The following CFAP70 variants were observed in gnomAD, a reference collection of about 807,000 sequenced individuals.
CFAP70 encodes the protein cilia and flagella associated protein 70.
CFAP70 carries 81 observed loss-of-function variants against 137.6 expected under a neutral mutation model. That is an observed-to-expected ratio of 0.59 (90% CI 0.49 to 0.71). The LOEUF (loss-of-function observed/expected upper bound fraction) is 0.71, where lower values mean the gene tolerates loss of function less well. CFAP70 is among the 30% of genes least tolerant of loss of function. The pLI is 0.00. For missense variants in CFAP70, 976 were observed against 1,226.7 expected, an observed-to-expected ratio of 0.80 and a Z score of 3.05; for synonymous variants, 382 against 423.6, an observed-to-expected ratio of 0.90 and a Z score of 1.20.
At chr10:73,355,133 C>A (rs908505228) in intron 1 of CFAP70, among the ~76,000 whole-genome samples, 7 of 152,134 alleles carry the variant, frequency 4.6e-5, no homozygotes, top group African/African-American at 1.7e-4. Flanking sequence ...GGGTCCCCAC[C>A]CCGAACCATG....
intron 7 of CFAP70, among the ~76,000 whole-genome samples, chr10:73,333,781 A>G (rs2052354157): frequency 6.6e-6 from 1 of 152,240 alleles, no homozygotes; most frequent in African/African-American, 2.4e-5. Flanking sequence ...GGAAAATGAC[A>G]TGGGTCAAAA....
intron 9 of CFAP70, among the ~76,000 whole-genome samples, chr10:73,320,057 G>A (rs1342177534): frequency 1.3e-5 from 2 of 152,078 alleles, no homozygotes; most frequent in Non-Finnish European, 2.9e-5. Context: ...TTTCTGATAT[G>A]TATTCAAATA....
At chr10:73,358,972 T>G (rs1417881821), upstream of CFAP70, 1 of 152,258 alleles carries the variant, frequency 6.6e-6, no homozygotes, top group Non-Finnish European at 1.5e-5. Flanking sequence ...TTTCCACCTT[T>G]ACATTTTGCT....
At chr10:73,272,939 C>T (rs771214534) in exon 24 of CFAP70, 2 of 1,552,208 alleles carry the variant, frequency 1.3e-6, no homozygotes, top group African/African-American at 1.4e-5. Context: ...CGATAGCAGG[C>T]GATTCCCAGT....
At chr10:73,287,868 T>TATC (rs1367095820) in intron 19 of CFAP70, among the ~76,000 whole-genome samples, 2 of 151,758 alleles carry the variant, frequency 1.3e-5, no homozygotes, top group Non-Finnish European at 2.9e-5. Context: ...TCTATCTATC[T>TATC]ATCTATCTAT....
At chr10:73,287,572 G>A (rs2047827664) in intron 19 of CFAP70, among the ~76,000 whole-genome samples, 1 of 152,040 alleles carries the variant, frequency 6.6e-6, no homozygotes, top group South Asian at 2.1e-4. Flanking sequence ...ATGCATGCAT[G>A]GCCTCAATAT....
rs545918980 is a variant in CFAP70 at position 73,344,139 on chromosome 10, T to C, written c.399+926A>G. On this transcript the variant is annotated intron_variant, in intron 5 of 26. Transcript: ENST00000310715. Reference sequence around the variant, plus strand: ...CACCATACCCAGCTAATTTTTTGTATTTTTAGTAGAGACAGGGTTTCACCA... The same window carrying C: ...CACCATACCCAGCTAATTTTTTGTACTTTTAGTAGAGACAGGGTTTCACCA... 4.6e-5 allele frequency among the ~76,000 whole-genome samples: 7 copies of C among 152,008 alleles called. No homozygotes were observed. The East Asian group carries it at 1.4e-3, about 30-fold the overall frequency.
intron 8 of CFAP70, among the ~76,000 whole-genome samples, chr10:73,325,589 C>T (rs1266093474): frequency 1.3e-5 from 2 of 152,120 alleles, no homozygotes; most frequent in Admixed American, 6.5e-5. Context: ...ATTCAGGAAA[C>T]CCATCTCACG....
chr10:73,359,928 C>G (rs2054941884), upstream of CFAP70, among the ~76,000 whole-genome samples: 1 of 151,956 alleles, frequency 6.6e-6, no homozygotes, highest in East Asian at 1.9e-4. Context: ...ACAAAGCATC[C>G]TTTTTGGTTT....
At chr10:73,331,679 CA>C (rs80336606) in intron 7 of CFAP70, among the ~76,000 whole-genome samples, 47 of 150,364 alleles carry the variant, frequency 3.1e-4, no homozygotes, top group Non-Finnish European at 5.0e-4. Flanking sequence ...GACCCTGTCT[CA>C]AAAAAAAAAT....
rs1589216128 is a variant in CFAP70, at chr10:73,254,295, G to T, written c.3076-240C>A. The stretch of plus-strand genomic sequence containing the variant: ...CAAGCACTATGCACGGTCATGATTT[G>T]TACATTTTTTTGTAAGATAACTTCA... On this transcript the variant is annotated intron_variant, in intron 26 of 26. Coordinates refer to ENST00000310715, the Ensembl canonical transcript of CFAP70. 4 of 331,728 alleles carry T rather than the reference G, an allele frequency of 1.2e-5. No homozygotes were observed. In the East Asian group the frequency reaches 1.9e-4, roughly 16 times the overall value. 20.5% of individuals were successfully genotyped at this position (331,728 alleles called of 1,614,324 possible).
chr10:73,283,440 A>C (rs1589342889), intron 19 of CFAP70, among the ~76,000 whole-genome samples: 1 of 152,124 alleles, frequency 6.6e-6, no homozygotes. Flanking sequence ...GACACACCCA[A>C]CTCTAAGTAT....
chr10:73,261,424 C>T (rs1460397219), intron 25 of CFAP70, among the ~76,000 whole-genome samples: 2 of 152,114 alleles, frequency 1.3e-5, no homozygotes, highest in Admixed American at 6.6e-5. Flanking sequence ...AAGTGGCTCG[C>T]GAGGCCTCAC....
At chr10:73,258,219 A>T (rs2044721897) in intron 25 of CFAP70, among the ~76,000 whole-genome samples, 2 of 152,240 alleles carry the variant, frequency 1.3e-5, no homozygotes, top group Middle Eastern at 3.2e-3. Flanking sequence ...GGGACACTGA[A>T]CGGAGGGACC....
At chr10:73,353,489 T>C (rs1486193198) in intron 3 of CFAP70, 67 bp downstream of exon 3, 7 of 1,387,796 alleles carry the variant, frequency 5.0e-6, no homozygotes, top group Non-Finnish European at 7.0e-6. Context: ...TGGTTGTGCT[T>C]TTCCCATCCA....
At chr10:73,261,745 G>A (rs931752213) in intron 25 of CFAP70, among the ~76,000 whole-genome samples, 1 of 151,882 alleles carries the variant, frequency 6.6e-6, no homozygotes, top group Non-Finnish European at 1.5e-5. Flanking sequence ...AGGCTCAAGC[G>A]ATTTGCCTGC....
rs957829686 is a variant in CFAP70, at chr10:73,278,461, CTT to C, written c.2240-126_2240-125del. 5.4e-5 allele frequency: 40 copies of C among 738,960 alleles called. No homozygotes were observed. In the African/African-American group the frequency reaches 6.2e-4, roughly 11 times the overall value. 45.8% of individuals were successfully genotyped at this position (738,960 alleles called of 1,614,324 possible). A position where few individuals can be genotyped will look rare whatever the true frequency, so the allele number is the denominator to read the frequency against. On this transcript the variant is annotated intron_variant, in intron 19 of 26. Coordinates refer to ENST00000310715, the Ensembl canonical transcript of CFAP70. Reference sequence around the variant, plus strand: ...CCCTAAATATTTCATGAAGGACAGACTTGTTTGGTAGACTTGTTTATATTTTT... The same window carrying C: ...CCCTAAATATTTCATGAAGGACAGACGTTTGGTAGACTTGTTTATATTTTT...
chr10:73,295,664 A>G (rs1285329824), intron 15 of CFAP70: 3 of 152,172 alleles, frequency 2.0e-5, no homozygotes, highest in Non-Finnish European at 4.4e-5. Context: ...TTTCCTTAAA[A>G]TTCTTTTCCT....
rs767736274 is a variant in CFAP70, at chr10:73,291,630, A to C, written c.2020+10T>G. 1.9e-6 allele frequency: 3 copies of C among 1,607,566 alleles called. No homozygotes were observed. In the South Asian group the frequency reaches 3.3e-5, roughly 18 times the overall value. On this transcript the variant is annotated intron_variant, in intron 18 of 26. Transcript: ENST00000310715. Reference sequence around the variant, plus strand: ...GAGAAAACACATTCAGATTACAAGAAAATATCTACCAAGTAAAGTCCAGGC... The same window carrying C: ...GAGAAAACACATTCAGATTACAAGACAATATCTACCAAGTAAAGTCCAGGC...
Sources: gnomAD v4.1 joint callset for allele counts (sites outside exome capture counted in the v4.1 genomes callset) on GRCh38, gnomAD v4.1.1 for gene constraint, MANE v1.5 for transcripts, NCBI Gene and HGNC (gene_info 2026-07-23, HGNC 2026-07-21) for gene names.